The following LRRC4C variants were observed in gnomAD, a reference collection of about 807,000 sequenced individuals.
LRRC4C encodes the protein leucine-rich repeat-containing protein 4C.
In LRRC4C, 5 loss-of-function variants were observed where a neutral mutation model predicts 33.6. The ratio of observed to expected loss-of-function variants is 0.15; its 90% CI spans 0.08 to 0.31. The LOEUF (loss-of-function observed/expected upper bound fraction) is 0.31. Among genes scored for constraint, LRRC4C ranks in the 10% least tolerant of loss-of-function variants. The pLI is 1.00. For missense variants in LRRC4C, 560 were observed against 796.7 expected (o/e 0.70, Z 3.58); for synonymous variants, 329 against 302.0 (o/e 1.09, Z -0.93).
intron 3 of LRRC4C, among the ~76,000 whole-genome samples, chr11:40,557,241 A>G (rs4755553): frequency 0.44 from 67,361 of 151,612 alleles, 15,416 homozygotes; most frequent in East Asian, 0.67. Flanking sequence ...GAATAATGCA[A>G]AAAAGTGCAG....
intron 2 of LRRC4C, among the ~76,000 whole-genome samples, chr11:40,745,984 T>C (rs1160528054): frequency 6.6e-6 from 1 of 152,198 alleles, no homozygotes; most frequent in Non-Finnish European, 1.5e-5. Flanking sequence ...AACTCACTAG[T>C]AGGTAATCAC....
intron 1 of LRRC4C, among the ~76,000 whole-genome samples, chr11:41,302,270 G>A (rs1315112010): frequency 1.3e-5 from 2 of 152,156 alleles, no homozygotes; most frequent in Non-Finnish European, 2.9e-5. Flanking sequence ...GGAATGGACT[G>A]TAACCTTATT....
intron 1 of LRRC4C, among the ~76,000 whole-genome samples, chr11:41,292,725 T>C (rs1565554143): frequency 6.6e-6 from 1 of 152,148 alleles, no homozygotes; most frequent in Non-Finnish European, 1.5e-5. Flanking sequence ...CCCTGATTTA[T>C]GTATCATCTC....
intron 1 of LRRC4C, among the ~76,000 whole-genome samples, chr11:41,124,933 AC>A (rs1942663766): frequency 1.3e-5 from 2 of 152,308 alleles, no homozygotes; most frequent in Middle Eastern, 6.8e-3. Flanking sequence ...GGGCTGGGAT[AC>A]CCAACCCCAT....
intron 1 of LRRC4C, among the ~76,000 whole-genome samples, chr11:41,405,114 G>A (rs1350603233): frequency 1.3e-5 from 2 of 152,006 alleles, no homozygotes; most frequent in Non-Finnish European, 2.9e-5. Flanking sequence ...CTTTTTGGAA[G>A]TTCATATGAT....
At chr11:41,022,144 A>T (rs10837548) in intron 1 of LRRC4C, among the ~76,000 whole-genome samples, 10,805 of 103,126 alleles carry the variant, frequency 0.1, 482 homozygotes, top group African/African-American at 0.18. Flanking sequence ...ATTTTGTTTT[A>T]TATATATATA....
At chr11:40,753,054 T>C (rs1448221611) in intron 2 of LRRC4C, among the ~76,000 whole-genome samples, 1 of 151,778 alleles carries the variant, frequency 6.6e-6, no homozygotes. Context: ...TCATTCTTAA[T>C]TTTATTTTAT....
At position 40,554,274 on chromosome 11, in the gene LRRC4C, C is replaced by A. The variant is rs113678195; in HGVS notation, c.-270+93868G>T. ...AGATGTGTGACTTTATTTCTAGGTT[C>A]TCTATTGTGTTCTATAGATCTATGT... On this transcript the variant is annotated intron_variant, in intron 3 of 6. Coordinates refer to ENST00000528697, the MANE Select transcript of LRRC4C (RefSeq NM_001258419.2). Among the ~76,000 whole-genome samples, 1,031 of 152,206 alleles carry A rather than the reference C, an allele frequency of 6.8e-3. 18 individuals are homozygous for A. The highest frequency in any genetic ancestry group is 0.024 in the African/African-American group (987 of 41,542).
intron 3 of LRRC4C, among the ~76,000 whole-genome samples, chr11:40,528,186 C>G (rs1956133065): frequency 6.6e-6 from 1 of 152,046 alleles, no homozygotes; most frequent in African/African-American, 2.4e-5. Flanking sequence ...AAATGGAACT[C>G]TATCAAACTA....
intron 2 of LRRC4C, among the ~76,000 whole-genome samples, chr11:40,732,874 G>T (rs1947663100): frequency 6.6e-6 from 1 of 151,772 alleles, no homozygotes; most frequent in Non-Finnish European, 1.5e-5. Context: ...AACCATTTGT[G>T]GATCATTTAT....
At chr11:40,314,271 T>C (rs1220090669) in intron 4 of LRRC4C, among the ~76,000 whole-genome samples, 2 of 151,910 alleles carry the variant, frequency 1.3e-5, no homozygotes, top group African/African-American at 4.8e-5. Context: ...ATAGAAGGCA[T>C]ACAAATGGCC....
At chr11:40,696,748 G>GTATATATATATATA (rs57752272) in intron 2 of LRRC4C, among the ~76,000 whole-genome samples, 284 of 125,796 alleles carry the variant, frequency 2.3e-3, no homozygotes, top group Middle Eastern at 8.5e-3. Flanking sequence ...TATACACTGT[G>GTATATATATATATA]TATATATATA....
At chr11:40,694,935 C>T (rs1294524160) in intron 2 of LRRC4C, among the ~76,000 whole-genome samples, 5 of 152,076 alleles carry the variant, frequency 3.3e-5, no homozygotes, top group South Asian at 2.1e-4. Context: ...TTTTTCCAGC[C>T]GTTTGTTTCT....
At position 40,800,140 on chromosome 11, in the gene LRRC4C, T is replaced by G. The variant is rs187114181; in HGVS notation, c.-407+133495A>C. ...GTTTTCTCAATTAATTTTGTTTAAG[T>G]TTTTTAGTTTTCTTTTTATAAGCTC... On this transcript the variant is annotated intron_variant, in intron 2 of 6. Coordinates refer to ENST00000528697, the MANE Select transcript of LRRC4C (RefSeq NM_001258419.2). Among the ~76,000 whole-genome samples, 138 of 152,338 alleles carry G rather than the reference T, an allele frequency of 9.1e-4. 1 individual carries two copies. The highest frequency in any genetic ancestry group is 3.2e-3 in the African/African-American group (135 of 41,574).
rs545099788 is a variant in LRRC4C at position 40,620,452 on chromosome 11, A to G, written c.-270+27690T>C. ...GCTGGAAGGAGGTAGACCAGAAAGC[A>G]TTCGAAGACCCCAGATAGCTCCCTG... On this transcript the variant is annotated intron_variant, in intron 3 of 6. Transcript: ENST00000528697. 8.6e-5 allele frequency among the ~76,000 whole-genome samples: 13 copies of G among 151,890 alleles called. No individual in the cohort carries two copies. The South Asian group carries it at 2.5e-3, about 29-fold the overall frequency.
chr11:40,653,784 T>C (rs1455558649), intron 2 of LRRC4C, among the ~76,000 whole-genome samples: 5 of 152,050 alleles, frequency 3.3e-5, no homozygotes. Context: ...GGAAAATATC[T>C]CCAGGGCATG....
chr11:40,614,840 A>AAC (rs1961607495), intron 3 of LRRC4C, among the ~76,000 whole-genome samples: 2 of 151,806 alleles, frequency 1.3e-5, no homozygotes, highest in South Asian at 4.1e-4. Flanking sequence ...GGTCAGATGG[A>AAC]ACACACACAA....
intron 3 of LRRC4C, among the ~76,000 whole-genome samples, chr11:40,504,323 A>C (rs1015926575): frequency 6.6e-6 from 1 of 152,152 alleles, no homozygotes; most frequent in African/African-American, 2.4e-5. Context: ...TCCAACAGAG[A>C]GCCACTGGAG....
chr11:41,116,582 A>G (rs1400023017), intron 1 of LRRC4C, among the ~76,000 whole-genome samples: 7 of 152,156 alleles, frequency 4.6e-5, no homozygotes, highest in Admixed American at 4.6e-4. Context: ...TTTCCAAAAC[A>G]ATAGTATTTA....
Sources: allele counts gnomAD v4.1 joint callset (sites outside exome capture counted in the v4.1 genomes callset), GRCh38; gene constraint gnomAD v4.1.1; transcripts MANE v1.5; gene names NCBI Gene and HGNC (gene_info 2026-07-23, HGNC 2026-07-21).